The following TTC7A variants were observed in gnomAD, a reference collection of about 807,000 sequenced individuals.
TTC7A encodes the protein tetratricopeptide repeat domain 7A.
Under a neutral mutation model 103.7 loss-of-function variants are expected in TTC7A, and 110 were observed. The ratio of observed to expected loss-of-function variants is 1.06; its 90% CI spans 0.91 to 1.24. TTC7A has a LOEUF of 1.24. Among genes scored for constraint, TTC7A ranks in the 50% most tolerant of loss-of-function variants. The pLI is 0.00. For missense variants in TTC7A, 1,340 were observed against 1,116.3 expected, an observed-to-expected ratio of 1.20 and a Z score of -2.86; for synonymous variants, 521 against 467.9, an observed-to-expected ratio of 1.11 and a Z score of -1.47.
At chr2:46,960,410 T>C (rs1290058704) in intron 3 of TTC7A, among the ~76,000 whole-genome samples, 1 of 152,200 alleles carries the variant, frequency 6.6e-6, no homozygotes, top group Non-Finnish European at 1.5e-5. Context: ...TTTGGTGGCA[T>C]TCCCAGAAAC....
At chr2:47,038,629 T>TCCCCCC (rs1558612925) in intron 15 of TTC7A, among the ~76,000 whole-genome samples, 2 of 86,940 alleles carry the variant, frequency 2.3e-5, no homozygotes, top group African/African-American at 4.5e-5. Context: ...TGCTGCCACT[T>TCCCCCC]CCCACCCACC....
chr2:46,987,715 A>C (rs1166954960), intron 5 of TTC7A, among the ~76,000 whole-genome samples: 1 of 152,206 alleles, frequency 6.6e-6, no homozygotes, highest in Non-Finnish European at 1.5e-5. Flanking sequence ...ACCAAAATCA[A>C]ACAACAGAGA....
chr2:47,002,441 T>C (rs1038720726), intron 8 of TTC7A, among the ~76,000 whole-genome samples: 2 of 152,198 alleles, frequency 1.3e-5, no homozygotes, highest in Non-Finnish European at 2.9e-5. Context: ...GCATTTGATC[T>C]AGAGGATTTT....
chr2:47,049,679 C>A (rs772014725), intron 16 of TTC7A, among the ~76,000 whole-genome samples: 1 of 152,108 alleles, frequency 6.6e-6, no homozygotes, highest in Non-Finnish European at 1.5e-5. Flanking sequence ...TCTGGCCTTA[C>A]CCACTTCAGA....
At chr2:47,059,767 G>C (rs768365522) in intron 18 of TTC7A, among the ~76,000 whole-genome samples, 10 of 152,222 alleles carry the variant, frequency 6.6e-5, no homozygotes, top group Non-Finnish European at 1.2e-4. Context: ...AGACAGCCCA[G>C]TGCAAACCCT....
At chr2:46,931,707 T>C (rs1390347810) in intron 2 of TTC7A, among the ~76,000 whole-genome samples, 3 of 151,472 alleles carry the variant, frequency 2.0e-5, no homozygotes, top group Non-Finnish European at 4.4e-5. Flanking sequence ...AATAAATAAA[T>C]AAATAAATAA....
chr2:47,038,533 A>G lies in TTC7A; in HGVS notation c.1803-7782A>G, dbSNP rs569083702. Among the ~76,000 whole-genome samples, 5 of 152,326 alleles carry G rather than the reference A, an allele frequency of 3.3e-5. No individual in the cohort carries two copies. In the South Asian group the frequency reaches 1.0e-3, roughly 32 times the overall value. ...TTCTATAAAAATAGAACTCTTCATTAAAACAGCTCAGCACAGCCATCAGCT... is the reference window on the plus strand; with the variant it reads ...TTCTATAAAAATAGAACTCTTCATTGAAACAGCTCAGCACAGCCATCAGCT... On this transcript the variant is annotated intron_variant, in intron 15 of 19. Coordinates refer to ENST00000319190, the MANE Select transcript of TTC7A (RefSeq NM_020458.4).
intron 5 of TTC7A, among the ~76,000 whole-genome samples, chr2:46,980,926 G>T (rs1264574796): frequency 1.3e-5 from 2 of 152,222 alleles, no homozygotes; most frequent in South Asian, 2.1e-4. Context: ...TAGCCAGGTG[G>T]AAGAGGCGCA....
At chr2:46,915,879 G>T (rs923627133), upstream of TTC7A, 3 of 976,916 alleles carry the variant, frequency 3.1e-6, no homozygotes, top group African/African-American at 5.4e-5. Context: ...GGCGCCGCCG[G>T]GCCCCTCCCG....
chr2:46,979,047 TC>T, intron 5 of TTC7A, 140 bp downstream of exon 5: 1 of 605,400 alleles, frequency 1.7e-6, no homozygotes, highest in South Asian at 2.0e-5. Flanking sequence ...CTGGCTTGTG[TC>T]ACATCTTGTC....
chr2:47,003,590 A>G (rs1677063154), intron 8 of TTC7A, among the ~76,000 whole-genome samples: 1 of 152,178 alleles, frequency 6.6e-6, no homozygotes, highest in Non-Finnish European at 1.5e-5. Context: ...ATTGGTCTGC[A>G]CAGACAGGCA....
Position 46,993,368 on chromosome 2 carries a change from C to A in TTC7A, c.765-82C>A, listed in dbSNP as rs778380078. ...ATAAAACTCCAGCAGTCAGCTCCTC[C>A]TGGGGTCTGCTGGTGTGCTGAGAGC... On this transcript the variant is annotated intron_variant, in intron 5 of 19. Coordinates refer to ENST00000319190, the MANE Select transcript of TTC7A (RefSeq NM_020458.4). 4 of 1,335,710 alleles carry A rather than the reference C, an allele frequency of 3.0e-6. No homozygotes were observed. In the African/African-American group the frequency reaches 5.8e-5, roughly 19 times the overall value. The allele number at this position is 1,335,710 out of a possible 1,614,324, so 82.7% of individuals were successfully genotyped here. A position where few individuals can be genotyped will look rare whatever the true frequency, so the allele number is the denominator to read the frequency against.
intron 14 of TTC7A, among the ~76,000 whole-genome samples, chr2:47,028,495 C>G (rs1031381530): frequency 3.3e-5 from 5 of 152,168 alleles, no homozygotes; most frequent in African/African-American, 1.2e-4. Flanking sequence ...GGCCTGCCCT[C>G]TTTCATGCAG....
chr2:47,033,348 C>T (rs1212454846), intron 15 of TTC7A, among the ~76,000 whole-genome samples: 2 of 152,248 alleles, frequency 1.3e-5, no homozygotes, highest in Admixed American at 6.5e-5. Flanking sequence ...TATCCCAGTG[C>T]CTGAGGCCTA....
intron 11 of TTC7A, among the ~76,000 whole-genome samples, chr2:47,020,659 C>T (rs1194778221): frequency 6.6e-6 from 1 of 152,264 alleles, no homozygotes; most frequent in African/African-American, 2.4e-5. Context: ...CCCTCCAGGC[C>T]ATCATGCAGC....
intron 5 of TTC7A, among the ~76,000 whole-genome samples, chr2:46,991,023 C>T (rs1372455576): frequency 3.9e-5 from 6 of 152,172 alleles, no homozygotes; most frequent in Non-Finnish European, 7.3e-5. Context: ...AGCAATTCTC[C>T]TGCCTCAGCT....
At chr2:46,983,607 A>T (rs1189767572) in intron 5 of TTC7A, among the ~76,000 whole-genome samples, 1 of 152,218 alleles carries the variant, frequency 6.6e-6, no homozygotes, top group African/African-American at 2.4e-5. Context: ...TCAGTGACTT[A>T]TGAAGCCCGG....
intron 5 of TTC7A, among the ~76,000 whole-genome samples, chr2:46,991,495 A>G (rs150035117): frequency 4.6e-5 from 7 of 152,266 alleles, no homozygotes; most frequent in African/African-American, 1.7e-4. Flanking sequence ...ATCATTTCTT[A>G]GAGTGTGGGA....
chr2:46,932,550 T>A (rs1478457932), intron 2 of TTC7A, among the ~76,000 whole-genome samples: 2 of 151,942 alleles, frequency 1.3e-5, no homozygotes, highest in Non-Finnish European at 2.9e-5. Flanking sequence ...CAACAAAAAA[T>A]GTTTTTAAAA....
Sources: gnomAD v4.1 joint callset for allele counts (sites outside exome capture counted in the v4.1 genomes callset) on GRCh38, gnomAD v4.1.1 for gene constraint, MANE v1.5 for transcripts, NCBI Gene and HGNC (gene_info 2026-07-23, HGNC 2026-07-21) for gene names.